SCLT1: variants seen among roughly 807,000 people sequenced by gnomAD.
SCLT1 encodes sodium channel-associated protein 1.
In SCLT1, 78 loss-of-function variants were observed where a neutral mutation model predicts 112.8. The observed-to-expected ratio is 0.69, with a 90% confidence interval of 0.58 to 0.83. SCLT1 has a LOEUF of 0.83. Among genes scored for constraint, SCLT1 ranks in the 40% least tolerant of loss-of-function variants. The pLI is 0.00. For missense variants in SCLT1, 747 were observed against 770.4 expected (o/e 0.97, Z 0.36); for synonymous variants, 257 against 254.7 (o/e 1.01, Z -0.09).
chr4:129,005,016 TAGAAA>T (rs1482202089), intron 5 of SCLT1, among the ~76,000 whole-genome samples: 13 of 151,992 alleles, frequency 8.6e-5, no homozygotes, highest in Admixed American at 6.6e-4. Context: ...TAACAAGTTT[TAGAAA>T]AGATACCCCA....
Position 129,056,192 on chromosome 4 carries a change from G to T in SCLT1, c.103-12141C>A, listed in dbSNP as rs571348527. Among the ~76,000 whole-genome samples the T allele has an allele frequency of 7.2e-5, 11 of 152,282 alleles. No homozygotes were observed. The East Asian group carries it at 2.1e-3, about 29-fold the overall frequency. ...CAGAAATCACCCACCTTCTGCATTGGTCTCGCTGGGAGCTGCAGACTGGAG... is the reference window on the plus strand; with the variant it reads ...CAGAAATCACCCACCTTCTGCATTGTTCTCGCTGGGAGCTGCAGACTGGAG... On this transcript the variant is annotated intron_variant, in intron 2 of 20. Transcript: ENST00000281142.
chr4:129,046,306 G>T (rs1448202002), intron 2 of SCLT1, among the ~76,000 whole-genome samples: 1 of 152,024 alleles, frequency 6.6e-6, no homozygotes, highest in Non-Finnish European at 1.5e-5. Flanking sequence ...CTATGTATAT[G>T]ACCAACAACC....
chr4:128,953,936 ATAACATTTAATAAG>A (rs1738999192), intron 13 of SCLT1, among the ~76,000 whole-genome samples: 1 of 152,206 alleles, frequency 6.6e-6, no homozygotes, highest in Admixed American at 6.5e-5. Flanking sequence ...TTAACATTTA[ATAACATTTAATAAG>A]TAACATTTAA....
chr4:128,942,929 GTC>G (rs2125989344), intron 17 of SCLT1, 65 bp downstream of exon 17: 2 of 1,201,168 alleles, frequency 1.7e-6, no homozygotes, highest in Non-Finnish European at 2.3e-6. Flanking sequence ...GTTTTGCTAG[GTC>G]TCTCTAAATA....
chr4:129,032,464 G>C (rs1400510286), intron 5 of SCLT1, among the ~76,000 whole-genome samples: 1 of 152,112 alleles, frequency 6.6e-6, no homozygotes, highest in East Asian at 1.9e-4. Flanking sequence ...AAAAGCAATT[G>C]CAACAAAAGC....
In SCLT1 at chr4:128,898,561, A is replaced by G. The variant is rs1267452542; in HGVS notation, c.1830-7424T>C. On this transcript the variant is annotated intron_variant, in intron 18 of 20. Transcript: ENST00000281142. ...AAATTTATAGCACTAAATGCCCACA[A>G]GAGAAAGCAGGAAAGATCGAAAATT... 7.2e-5 allele frequency among the ~76,000 whole-genome samples: 11 copies of G among 152,338 alleles called. No homozygotes were observed. The East Asian group carries it at 1.9e-3, about 27-fold the overall frequency.
intron 5 of SCLT1, among the ~76,000 whole-genome samples, chr4:129,021,343 C>T (rs752838939): frequency 6.6e-6 from 1 of 152,162 alleles, no homozygotes; most frequent in Non-Finnish European, 1.5e-5. Flanking sequence ...GAGACAGAAC[C>T]GTTTGCTCCC....
chr4:128,879,962 C>T (rs756174718), downstream of SCLT1, among the ~76,000 whole-genome samples: 14 of 152,096 alleles, frequency 9.2e-5, no homozygotes, highest in Non-Finnish European at 1.6e-4. Context: ...CGAAAACTTC[C>T]ATAATGCCTT....
intron 5 of SCLT1, among the ~76,000 whole-genome samples, chr4:129,008,475 C>A (rs1392236270): frequency 6.6e-6 from 1 of 152,126 alleles, no homozygotes; most frequent in African/African-American, 2.4e-5. Flanking sequence ...TTTGCATTAT[C>A]ATGCTTGTGA....
At chr4:128,917,565 C>T (rs1013070489) in intron 18 of SCLT1, among the ~76,000 whole-genome samples, 9 of 151,862 alleles carry the variant, frequency 5.9e-5, no homozygotes, top group African/African-American at 1.5e-4. Context: ...GCCAAGTTCT[C>T]GATTACTGTG....
downstream of SCLT1, among the ~76,000 whole-genome samples, chr4:128,883,464 G>A (rs1360040853): frequency 2.6e-5 from 4 of 152,086 alleles, no homozygotes; most frequent in Middle Eastern, 3.2e-3. Context: ...TAGATAACGG[G>A]TTGATGGGTG....
intron 2 of SCLT1, among the ~76,000 whole-genome samples, chr4:129,048,645 A>C (rs1748434274): frequency 6.6e-6 from 1 of 152,216 alleles, no homozygotes; most frequent in South Asian, 2.1e-4. Context: ...TAATTAAACT[A>C]AAGAGCTTCT....
intron 2 of SCLT1, among the ~76,000 whole-genome samples, chr4:129,045,969 A>G (rs1579830150): frequency 1.3e-5 from 2 of 152,178 alleles, no homozygotes; most frequent in African/African-American, 4.8e-5. Flanking sequence ...AAGGAACAAT[A>G]ATAATAATAA....
In SCLT1 at chr4:128,906,449, C is replaced by T. The variant is rs183664356; in HGVS notation, c.1830-15312G>A. ...TCCTGACCTCGTGATCCGCCCGCTT[C>T]GGCCTCCCAAAGTGCTGGGATTACA... On this transcript the variant is annotated intron_variant, in intron 18 of 20. Coordinates refer to ENST00000281142, the MANE Select transcript of SCLT1 (RefSeq NM_144643.4). Among the ~76,000 whole-genome samples, 559 of 152,270 alleles carry T rather than the reference C, an allele frequency of 3.7e-3. 4 individuals carry two copies. The highest frequency in any genetic ancestry group is 0.012 in the African/African-American group (498 of 41,558).
At chr4:129,026,229 C>A (rs1162414799) in intron 5 of SCLT1, among the ~76,000 whole-genome samples, 1 of 152,146 alleles carries the variant, frequency 6.6e-6, no homozygotes, top group African/African-American at 2.4e-5. Context: ...CTCTCCACCC[C>A]AAATCAACAG....
intron 9 of SCLT1, 78 bp from the exon 10 acceptor site, chr4:128,970,546 T>C: frequency 1.2e-6 from 1 of 818,340 alleles, no homozygotes; most frequent in East Asian, 2.6e-5. Flanking sequence ...AATCTGAATT[T>C]GGTAAAATCA....
intron 5 of SCLT1, among the ~76,000 whole-genome samples, chr4:129,032,389 G>C (rs1404783729): frequency 6.6e-6 from 1 of 151,964 alleles, no homozygotes; most frequent in African/African-American, 2.4e-5. Context: ...AAAAACCCTA[G>C]AAGAAAACCC....
intron 1 of SCLT1, among the ~76,000 whole-genome samples, chr4:129,086,913 G>C (rs1360452495): frequency 2.6e-5 from 4 of 152,128 alleles, no homozygotes; most frequent in African/African-American, 9.7e-5. Flanking sequence ...AAATAACATG[G>C]ACCACTTTTC....
intron 5 of SCLT1, among the ~76,000 whole-genome samples, chr4:129,008,781 CATT>C (rs1414668076): frequency 2.0e-5 from 3 of 152,070 alleles, no homozygotes; most frequent in East Asian, 3.9e-4. Flanking sequence ...GCCTAGTACT[CATT>C]ATTCTTTTTC....
Sources: gnomAD v4.1 joint callset for allele counts (sites outside exome capture counted in the v4.1 genomes callset) on GRCh38, gnomAD v4.1.1 for gene constraint, MANE v1.5 for transcripts, NCBI Gene and HGNC (gene_info 2026-07-23, HGNC 2026-07-21) for gene names.